The following PRH1 variants were observed in gnomAD, a reference collection of about 807,000 sequenced individuals.
PRH1 encodes salivary acidic proline-rich phosphoprotein 1/2.
In PRH1, 7 loss-of-function variants were observed where a neutral mutation model predicts 7.9. The ratio of observed to expected loss-of-function variants is 0.89; its 90% CI spans 0.50 to 1.67. The LOEUF is 1.67. PRH1 is among the 40% of genes most tolerant of loss of function. PRH1 has a pLI of 0.00. For synonymous variants in PRH1, 45 were observed against 80.8 expected, an observed-to-expected ratio of 0.56 and a Z score of 2.38; for missense variants, 109 against 223.6, an observed-to-expected ratio of 0.49 and a Z score of 3.27.
At chr12:11,167,218 A>G (rs1171738928) in intron 1 of PRH1, among the ~76,000 whole-genome samples, 2 of 152,214 alleles carry the variant, frequency 1.3e-5, no homozygotes, top group East Asian at 1.9e-4. Context: ...CAACCTTTCC[A>G]GTAAGCATTC....
Position 10,902,986 on chromosome 12 carries a change from T to C in PRH1, c.-58-18711A>G, listed in dbSNP as rs535095442. On this transcript the variant is annotated intron_variant, in intron 2 of 3. Coordinates refer to the PRH1 transcript ENST00000539853. Reference sequence around the variant, plus strand: ...AAGCACCCAGCTAACAACTTCAAAATAGAATCAAAACCTCACATAGCAATA... The same window carrying C: ...AAGCACCCAGCTAACAACTTCAAAACAGAATCAAAACCTCACATAGCAATA... Among the ~76,000 whole-genome samples, 4 of 152,150 alleles carry C rather than the reference T, an allele frequency of 2.6e-5. No homozygotes were observed. In the South Asian group the frequency reaches 6.2e-4, roughly 24 times the overall value.
chr12:11,088,061 C>G (rs1394397061), intron 1 of PRH1, among the ~76,000 whole-genome samples: 1 of 126,890 alleles, frequency 7.9e-6, no homozygotes, highest in South Asian at 2.2e-4. Context: ...ATATTACAGA[C>G]CAGGCCCTGT....
chr12:11,005,909 G>A (rs1273766677), intron 1 of PRH1: 2 of 152,036 alleles, frequency 1.3e-5, no homozygotes, highest in African/African-American at 4.8e-5. Context: ...TAAAAAATAT[G>A]TATTTTCCAC....
chr12:10,933,441 T>G (rs1311846783), intron 2 of PRH1, among the ~76,000 whole-genome samples: 1 of 151,988 alleles, frequency 6.6e-6, no homozygotes, highest in Non-Finnish European at 1.5e-5. Flanking sequence ...GAAAAAAAAT[T>G]TTTTGATATG....
chr12:10,885,456 C>T (rs1281406279), upstream of PRH1, among the ~76,000 whole-genome samples: 1 of 152,060 alleles, frequency 6.6e-6, no homozygotes, highest in Non-Finnish European at 1.5e-5. Context: ...GTGTGTGGTA[C>T]TCCTCACTAC....
rs536080416 is a variant in PRH1, at chr12:10,973,753, T to C, written c.-125-32A>G. On this transcript the variant is annotated intron_variant, in intron 1 of 3. Transcript: ENST00000539853. ...TAAGATAAATAAAAGGCCAAAATTATATTTTCAATTCATCGGAGAGCTGTG... is the reference window on the plus strand; with the variant it reads ...TAAGATAAATAAAAGGCCAAAATTACATTTTCAATTCATCGGAGAGCTGTG... 19 of 776,438 alleles carry C rather than the reference T, an allele frequency of 2.4e-5. No homozygotes were observed. The East Asian group carries it at 4.4e-4, about 18-fold the overall frequency. 48.1% of individuals were successfully genotyped at this position (776,438 alleles called of 1,614,324 possible).
chr12:11,008,695 C>T (rs1237888848), intron 1 of PRH1, among the ~76,000 whole-genome samples: 1 of 152,096 alleles, frequency 6.6e-6, no homozygotes, highest in Non-Finnish European at 1.5e-5. Context: ...CAGACAGATG[C>T]ATGTACATGT....
At chr12:11,123,584 TCAACTTTGTATTTTCAGTA>T (rs1945992058) in intron 1 of PRH1, among the ~76,000 whole-genome samples, 1 of 152,240 alleles carries the variant, frequency 6.6e-6, no homozygotes, top group Non-Finnish European at 1.5e-5. Flanking sequence ...TCTTGCATGT[TCAACTTTGTATTTTCAGTA>T]CAACTTTGTA....
At chr12:11,127,265 T>C (rs1016103465) in intron 1 of PRH1, among the ~76,000 whole-genome samples, 28 of 152,306 alleles carry the variant, frequency 1.8e-4, no homozygotes, top group African/African-American at 6.0e-4. Context: ...TTTGCTAGCA[T>C]GCAAATCAAG....
At chr12:10,997,671 T>C in intron 1 of PRH1, 5 of 1,613,690 alleles carry the variant, frequency 3.1e-6, no homozygotes, top group East Asian at 2.2e-5. Context: ...TTCAACACAG[T>C]TGAATACCAA....
At chr12:11,011,783 T>C (rs1941079822) in intron 1 of PRH1, among the ~76,000 whole-genome samples, 1 of 152,150 alleles carries the variant, frequency 6.6e-6, no homozygotes, top group African/African-American at 2.4e-5. Context: ...ATCTGGTTGC[T>C]GCTAACTAAT....
At chr12:11,057,695 A>G (rs1207083977) in intron 1 of PRH1, among the ~76,000 whole-genome samples, 1 of 152,214 alleles carries the variant, frequency 6.6e-6, no homozygotes, top group East Asian at 1.9e-4. Flanking sequence ...AGATTACCAT[A>G]AACTTCAATC....
intron 1 of PRH1, chr12:10,986,680 C>T: frequency 1.2e-6 from 2 of 1,612,196 alleles, no homozygotes; most frequent in Non-Finnish European, 1.7e-6. Context: ...AATAATAATG[C>T]CCAGAGCAAA....
At chr12:11,103,911 A>G (rs998074371) in intron 1 of PRH1, among the ~76,000 whole-genome samples, 2 of 152,056 alleles carry the variant, frequency 1.3e-5, no homozygotes, top group Non-Finnish European at 2.9e-5. Flanking sequence ...TCAATATGTA[A>G]TATTTTCTTT....
chr12:11,116,168 G>A (rs533234474), downstream of PRH1, among the ~76,000 whole-genome samples: 2 of 151,864 alleles, frequency 1.3e-5, no homozygotes, highest in South Asian at 4.1e-4. Flanking sequence ...AAGAAAAAAA[G>A]ATCAAAATTA....
intron 1 of PRH1, among the ~76,000 whole-genome samples, chr12:11,141,752 AC>A (rs1441003723): frequency 1.3e-5 from 2 of 152,150 alleles, no homozygotes; most frequent in Non-Finnish European, 2.9e-5. Flanking sequence ...ATCATGTGTT[AC>A]TTGATACATA....
At chr12:11,025,504 C>T (rs1941863677) in intron 1 of PRH1, among the ~76,000 whole-genome samples, 1 of 152,252 alleles carries the variant, frequency 6.6e-6, no homozygotes, top group Non-Finnish European at 1.5e-5. Context: ...TCTTTTGCGT[C>T]CTGTATTATT....
chr12:10,931,513 C>T (rs1018808920), intron 2 of PRH1, among the ~76,000 whole-genome samples: 1 of 152,158 alleles, frequency 6.6e-6, no homozygotes, highest in African/African-American at 2.4e-5. Context: ...AATGGTATCT[C>T]ATTTTTTAAA....
intron 1 of PRH1, among the ~76,000 whole-genome samples, chr12:11,076,417 C>T (rs11507733): frequency 1.0e-4 from 12 of 119,188 alleles, no homozygotes; most frequent in Admixed American, 1.8e-4. Flanking sequence ...TCTATACTCT[C>T]TTTGGGACTT....
Sources: allele counts gnomAD v4.1 joint callset (sites outside exome capture counted in the v4.1 genomes callset), GRCh38; gene constraint gnomAD v4.1.1; transcripts MANE v1.5; gene names NCBI Gene and HGNC (gene_info 2026-07-23, HGNC 2026-07-21).